SLC35G1: variants seen among roughly 807,000 people sequenced by gnomAD.
SLC35G1 encodes solute carrier family 35 member G1.
In SLC35G1, 10 loss-of-function variants were observed where a neutral mutation model predicts 17.1. That is an observed-to-expected ratio of 0.59 (90% CI 0.36 to 0.99). The LOEUF (loss-of-function observed/expected upper bound fraction) is 0.99. SLC35G1 is among the 50% of genes least tolerant of loss of function. SLC35G1 has a pLI of 0.01. For synonymous variants in SLC35G1, 185 were observed against 181.1 expected, an observed-to-expected ratio of 1.02 and a Z score of -0.18; for missense variants, 433 against 468.4, an observed-to-expected ratio of 0.92 and a Z score of 0.70.
At chr10:93,904,576 G>C (rs1046289132), downstream of SLC35G1, among the ~76,000 whole-genome samples, 5 of 152,102 alleles carry the variant, frequency 3.3e-5, no homozygotes, top group Non-Finnish European at 7.3e-5. Flanking sequence ...GCCTCCAATG[G>C]CTCAGCTTAG....
chr10:93,909,467 ATTT>A (rs5787089), exon 3 of SLC35G1: 5 of 149,890 alleles, frequency 3.3e-5, no homozygotes, highest in African/African-American at 4.9e-5. Context: ...TTTAGTGTAA[ATTT>A]TTTTTTTTAA....
chr10:93,904,155 C>T (rs1302911208), downstream of SLC35G1, among the ~76,000 whole-genome samples: 1 of 152,130 alleles, frequency 6.6e-6, no homozygotes, highest in African/African-American at 2.4e-5. Context: ...TTCTTATTGT[C>T]TTCTTATTGT....
At chr10:93,905,428 A>T (rs1279113684), downstream of SLC35G1, among the ~76,000 whole-genome samples, 1 of 152,130 alleles carries the variant, frequency 6.6e-6, no homozygotes, top group Non-Finnish European at 1.5e-5. Flanking sequence ...CAGCTACCAT[A>T]TTCACCTAGA....
At position 93,903,316 on chromosome 10, in the gene SLC35G1, C is replaced by T. The variant is rs1008328501; in HGVS notation, c.*1826C>T. 1.3e-5 allele frequency: 2 copies of T among 152,148 alleles called. No individual in the cohort carries two copies. Among genetic ancestry groups the T allele is most frequent in the African/African-American group, 4.8e-5 (2 of 41,432 alleles). 9.4% of individuals were successfully genotyped at this position (152,148 alleles called of 1,614,324 possible). On this transcript the variant is annotated 3_prime_UTR_variant, in exon 3 of 3. Transcript: ENST00000427197. ...ACAGAATCAGGAGCATTTGAGAACT[C>T]TAGAGGTCTCAGAAATCATCACATA...
In SLC35G1 at chr10:93,903,398, C is replaced by G. The variant is rs2060408057; in HGVS notation, c.*1908C>G. The G allele has an allele frequency of 6.6e-6, 1 of 152,156 alleles. No individual in the cohort carries two copies. The allele number at this position is 152,156 out of a possible 1,614,324, so 9.4% of individuals were successfully genotyped here. On this transcript the variant is annotated 3_prime_UTR_variant, in exon 3 of 3. Coordinates refer to ENST00000427197, the MANE Select transcript of SLC35G1 (RefSeq NM_001134658.3). ...GAGGAGACCTGCCCAAGTTGAATTT[C>G]CATGGCCTTCCTCCCTTCCTTAGTT...
rs372340346 is a variant in SLC35G1, at chr10:93,901,139, G to A, written c.747G>A (p.Val249=). Residue 249 remains valine, a synonymous_variant, in exon 3 of 3, where the codon GTG becomes GTA. Coordinates refer to ENST00000427197, the MANE Select transcript of SLC35G1 (RefSeq NM_001134658.3). The part of the protein sequence containing the change: ...LVILRKMGKS[V]DYFLSIWYYV... ...TCCTAAGAAAAATGGGAAAATCTGT[G>A]GACTACTTTCTGAGCATTTGGTATT... The A allele has an allele frequency of 1.4e-5, 23 of 1,613,926 alleles. No homozygotes were observed. Among genetic ancestry groups the A allele is most frequent in the Non-Finnish European group, 1.9e-5 (22 of 1,179,968 alleles).
At chr10:93,897,138 A>G (rs1159540839) in intron 1 of SLC35G1, among the ~76,000 whole-genome samples, 1 of 152,170 alleles carries the variant, frequency 6.6e-6, no homozygotes, top group African/African-American at 2.4e-5. Context: ...TCTTAAGGGA[A>G]GGACTACTGC....
chr10:93,897,957 T>C (rs1334304105), intron 1 of SLC35G1, among the ~76,000 whole-genome samples: 1 of 152,242 alleles, frequency 6.6e-6, no homozygotes, highest in East Asian at 1.9e-4. Context: ...CAGATTATGC[T>C]GTTGCCGATA....
downstream of SLC35G1, chr10:93,907,566 G>C (rs1408193741): frequency 6.6e-6 from 1 of 152,182 alleles, no homozygotes; most frequent in Non-Finnish European, 1.5e-5. Flanking sequence ...CCATATATGG[G>C]TGTGGAATAA....
Position 93,898,733 on chromosome 10 carries a change from C to T in SLC35G1, c.341C>T (p.Pro114Leu). Reference protein sequence around the residue: ...RCVFQMLVVIPCLIYRKTGFI... With the variant: ...RCVFQMLVVILCLIYRKTGFI... The stretch of plus-strand genomic sequence containing the variant: ...GTGTTCCAAATGCTAGTTGTTATCC[C>T]TTGCTTAATATACAGAAAGTAAGTA... Residue 114 changes from proline to leucine, a missense_variant, in exon 2 of 3, where the codon CCT becomes CTT. Pro to Leu is a moderately conservative substitution (Grantham distance 98). Transcript: ENST00000427197. The T allele has an allele frequency of 1.2e-6, 2 of 1,604,560 alleles. No homozygotes were observed. Among genetic ancestry groups the T allele is most frequent in the Non-Finnish European group, 1.7e-6 (2 of 1,177,532 alleles).
In SLC35G1 at chr10:93,901,391, TA is replaced by T; in HGVS notation, c.1001del (p.Asn334IlefsTer15). ...CTTTTATCTTTCAGATTATTTTCTT[TA>T]ATAATGTGCCAACGTGGTGGACAGT... is the stretch of plus-strand genomic sequence containing the variant. ...FAFIFQIIFF[N>X]NVPTWWTVGG... is the part of the protein sequence containing the mutation. On this transcript the variant is annotated frameshift_variant, in exon 3 of 3. Coordinates refer to ENST00000427197, the MANE Select transcript of SLC35G1 (RefSeq NM_001134658.3). LOFTEE classifies it high-confidence loss of function. The T allele has an allele frequency of 6.2e-7, 1 of 1,614,104 alleles. No homozygotes were observed. Among genetic ancestry groups the T allele is most frequent in the East Asian group, 2.2e-5 (1 of 44,882 alleles).
chr10:93,907,761 T>C (rs1482530716), downstream of SLC35G1: 2 of 152,084 alleles, frequency 1.3e-5, no homozygotes, highest in East Asian at 1.9e-4. Context: ...TTTACACCTT[T>C]TGAATTTTGA....
chr10:93,909,579 G>A (rs1284282519), exon 3 of SLC35G1: 1 of 152,052 alleles, frequency 6.6e-6, no homozygotes, highest in Non-Finnish European at 1.5e-5. Context: ...TCTGGTTTGA[G>A]GGACTCTTGA....
chr10:93,901,577 T>G lies in SLC35G1; in HGVS notation c.*87T>G. On this transcript the variant is annotated 3_prime_UTR_variant, in exon 3 of 3. Transcript: ENST00000427197. Reference sequence around the variant, plus strand: ...TACGCACACATCTGGAAAATCTGCATTTTCTTCATTGGTTGTATTTAATAA... The same window carrying G: ...TACGCACACATCTGGAAAATCTGCAGTTTCTTCATTGGTTGTATTTAATAA... 1 of 1,395,014 alleles carries G rather than the reference T, an allele frequency of 7.2e-7. No homozygotes were observed. Among genetic ancestry groups the G allele is most frequent in the Non-Finnish European group, 9.5e-7 (1 of 1,057,764 alleles). The allele number at this position is 1,395,014 out of a possible 1,614,324, so 86.4% of individuals were successfully genotyped here.
chr10:93,908,667 C>T (rs541676849), downstream of SLC35G1: 2 of 152,238 alleles, frequency 1.3e-5, no homozygotes, highest in East Asian at 3.9e-4. Flanking sequence ...ATAAACAATC[C>T]TAGCCAATGC....
chr10:93,894,012 C>T lies in SLC35G1; in HGVS notation c.-22C>T, dbSNP rs1424304156. 1 of 1,379,582 alleles carries T rather than the reference C, an allele frequency of 7.2e-7. No individual in the cohort carries two copies. Among genetic ancestry groups the T allele is most frequent in the South Asian group, 1.7e-5 (1 of 60,232 alleles). 85.5% of individuals were successfully genotyped at this position (1,379,582 alleles called of 1,614,324 possible). ...TGCTGGCGCCAGACGGCACCGGCCG[C>T]TGGTAGAGCGCGTGCCGCGAGATGC... On this transcript the variant is annotated 5_prime_UTR_variant, in exon 1 of 3. Transcript: ENST00000427197.
downstream of SLC35G1, among the ~76,000 whole-genome samples, chr10:93,906,926 GA>G (rs1379787612): frequency 6.6e-6 from 1 of 152,110 alleles, no homozygotes; most frequent in Non-Finnish European, 1.5e-5. Context: ...TATTAGACAT[GA>G]AATTGCAACA....
downstream of SLC35G1, among the ~76,000 whole-genome samples, chr10:93,905,668 A>G (rs1272957052): frequency 6.6e-6 from 1 of 152,188 alleles, no homozygotes; most frequent in African/African-American, 2.4e-5. Context: ...TGCCCAGTAC[A>G]CAGGAAAACG....
In SLC35G1 at chr10:93,909,056, C is replaced by T. The variant is rs114274475; in HGVS notation, c.*2078C>T. 9.1e-3 allele frequency: 1,393 copies of T among 152,302 alleles called. 21 individuals are homozygous for T. The highest frequency in any genetic ancestry group is 0.031 in the African/African-American group (1,271 of 41,510). The allele number at this position is 152,302 out of a possible 1,614,324, so 9.4% of individuals were successfully genotyped here. A position where few individuals can be genotyped will look rare whatever the true frequency, so the allele number is the denominator to read the frequency against. The stretch of plus-strand genomic sequence containing the variant: ...CTTCCCAGCTTTTCTCCCCAAAGCA[C>T]CCCTAATAGCTGAGAAGAATCTGGA... On this transcript the variant is annotated 3_prime_UTR_variant and NMD_transcript_variant, in exon 3 of 3. Transcript: ENST00000483386.
Sources: gnomAD v4.1 joint callset for allele counts (sites outside exome capture counted in the v4.1 genomes callset) on GRCh38, gnomAD v4.1.1 for gene constraint, MANE v1.5 for transcripts, NCBI Gene and HGNC (gene_info 2026-07-23, HGNC 2026-07-21) for gene names.